The following GRIN2C variants were observed in gnomAD, a reference collection of about 807,000 sequenced individuals.
GRIN2C encodes glutamate ionotropic receptor NMDA type subunit 2C.
In GRIN2C, 64 loss-of-function variants were observed where a neutral mutation model predicts 77.7. The ratio of observed to expected loss-of-function variants is 0.82; its 90% CI spans 0.67 to 1.01. The LOEUF (loss-of-function observed/expected upper bound fraction) is 1.01, where lower values mean the gene tolerates loss of function less well. GRIN2C is among the 50% of genes least tolerant of loss of function. GRIN2C has a pLI of 0.00. For synonymous variants in GRIN2C, 792 were observed against 643.4 expected, an observed-to-expected ratio of 1.23 and a Z score of -3.49; for missense variants, 1,549 against 1,486.0, an observed-to-expected ratio of 1.04 and a Z score of -0.70.
rs2037470505 is a variant in GRIN2C, at chr17:74,846,814, A to G, written c.2108T>C (p.Met703Thr). The change falls in exon 10 of 13, where the codon ATG (methionine) becomes ACG (threonine). Residue 703 changes from methionine (M) to threonine (T), a missense_variant. Coordinates refer to ENST00000293190, the MANE Select transcript of GRIN2C (RefSeq NM_000835.6). The surrounding 1 kb of genome is among the most constrained non-coding windows in gnomAD (Gnocchi z 4.4). Reference sequence around the variant, plus strand: ...CACCGAGCGCTGGTTGAACTTGACCATGTGGGTGTGCATGTCACGGTAGTT... The same window carrying G: ...CACCGAGCGCTGGTTGAACTTGACCGTGTGGGTGTGCATGTCACGGTAGTT... ...RSNYRDMHTH[M>T]VKFNQRSVED... 1 of 1,614,098 alleles carries G rather than the reference A, an allele frequency of 6.2e-7. No homozygotes were observed. The highest frequency in any genetic ancestry group is 1.1e-5 in the South Asian group (1 of 91,080).
chr17:74,851,640 A>G lies in GRIN2C; in HGVS notation c.1050T>C (p.Gly350=). 1 of 1,574,450 alleles carries G rather than the reference A, an allele frequency of 6.4e-7. No individual in the cohort carries two copies. The highest frequency in any genetic ancestry group is 8.6e-7 in the Non-Finnish European group (1 of 1,159,118). Residue 350 remains glycine, a synonymous_variant, in exon 4 of 13, where the codon GGT becomes GGC. Transcript: ENST00000293190. ...WEGRDFSFSP[G]GYLVQPTMVV... ...CCATGGTGGGCTGGACCAGGTACCC[A>G]CCAGGGCTGAAGGAGAAGTCTCGGC...
rs780165386 is a variant in GRIN2C, at chr17:74,854,701, G to T, written c.392C>A (p.Thr131Asn). Residue 131 changes from threonine to asparagine, a missense_variant, in exon 2 of 13, where the codon ACC (threonine) becomes AAC (asparagine). Around this residue, in one of 3 missense-constraint regions of GRIN2C, gnomAD observed 382 missense variants for 360.0 expected, o/e 1.06. Coordinates refer to ENST00000293190, the MANE Select transcript of GRIN2C (RefSeq NM_000835.6). ...ATGAGTTTGGACATGCACCTTGGGG[G>T]TGAGGACCACAGCAGAGCCTCCGCT... is the stretch of plus-strand genomic sequence containing the variant. ...SISGGSAVVLTPKEPGSAFLQ... is the reference protein window; with the variant it reads ...SISGGSAVVLNPKEPGSAFLQ... 1.2e-6 allele frequency: 2 copies of T among 1,605,980 alleles called. No individual in the cohort carries two copies. The highest frequency in any genetic ancestry group is 2.7e-5 in the African/African-American group (2 of 74,938).
intron 1 of GRIN2C, among the ~76,000 whole-genome samples, chr17:74,856,787 C>CT (rs201700626): frequency 1.6e-4 from 25 of 151,520 alleles, no homozygotes; most frequent in Admixed American, 1.1e-3. Context: ...CTATCTCTCT[C>CT]TTTTTTTTTA....
chr17:74,844,005 C>G (rs926652668), intron 12 of GRIN2C: 1 of 603,784 alleles, frequency 1.7e-6, no homozygotes, highest in African/African-American at 1.9e-5. Flanking sequence ...TCCTGAGTAG[C>G]TGGGACTGCA....
At chr17:74,845,957 A>G (rs2037441451) in intron 11 of GRIN2C, 109 bp downstream of exon 11, 2 of 1,021,674 alleles carry the variant, frequency 2.0e-6, no homozygotes, top group Non-Finnish European at 3.0e-6. Context: ...CTCACCCCCC[A>G]GAGACCTCTC....
rs377590628 is a variant in GRIN2C at position 74,847,457 on chromosome 17, C to T, written c.1852G>A (p.Glu618Lys). 8.1e-6 allele frequency: 13 copies of T among 1,613,962 alleles called. No homozygotes were observed. In the African/African-American group the frequency reaches 1.3e-4, roughly 17 times the overall value. Residue 618 changes from glutamate to lysine, a missense_variant, in exon 9 of 13, where the codon GAG becomes AAG. By Grantham distance (56) the Glu-to-Lys change is moderately conservative (BLOSUM62 1). Coordinates refer to ENST00000293190, the MANE Select transcript of GRIN2C (RefSeq NM_000835.6). The surrounding 1 kb of genome is among the most constrained non-coding windows in gnomAD (Gnocchi z 5.2). ...TTGCTGGTGGTGCCCCGCGGGTTCT[C>T]GATGGGCACTGAGTTGTTGAAGACC... is the stretch of plus-strand genomic sequence containing the variant. ...ALVFNNSVPIENPRGTTSKIM... is the reference protein window; with the variant it reads ...ALVFNNSVPIKNPRGTTSKIM...
Position 74,854,906 on chromosome 17 carries a change from G to A in GRIN2C, c.187C>T (p.Gln63Ter), listed in dbSNP as rs1472368116. 1 of 1,613,364 alleles carries A rather than the reference G, an allele frequency of 6.2e-7. No individual in the cohort carries two copies. Among genetic ancestry groups the A allele is most frequent in the Admixed American group, 1.7e-5 (1 of 59,998 alleles). ...QSFLDLPLEI[Q>*]PLTVGVNTTN... The stretch of plus-strand genomic sequence containing the variant: ...GTGTTGACCCCAACTGTGAGCGGCT[G>A]GATCTCCAGGGGTAGGTCCAGGAAG... The change falls in exon 2 of 13, where the codon CAG becomes TAG. Residue 63 changes from glutamine (Q) to a stop codon, truncating the protein, a stop_gained. Transcript: ENST00000293190. LOFTEE classifies it high-confidence loss of function.
chr17:74,851,057 G>A lies in GRIN2C; in HGVS notation c.1114-290C>T, dbSNP rs115795348. On this transcript the variant is annotated intron_variant, in intron 4 of 12. Transcript: ENST00000293190. ...TAGCTGAGCACTCAAGGCCCTTCAT[G>A]CTCCAAACCCTTCTGCCCCTCTGTC... 516 of 500,634 alleles carry A rather than the reference G, an allele frequency of 1.0e-3. 4 individuals are homozygous for A. Among genetic ancestry groups the A allele is most frequent in the African/African-American group, 8.2e-3 (430 of 52,420 alleles). The allele number at this position is 500,634 out of a possible 1,614,324, so 31.0% of individuals were successfully genotyped here.
chr17:74,854,995 G>T lies in GRIN2C; in HGVS notation c.98C>A (p.Ala33Asp). The T allele has an allele frequency of 1.9e-6, 3 of 1,607,528 alleles. No homozygotes were observed. Among genetic ancestry groups the T allele is most frequent in the Non-Finnish European group, 2.5e-6 (3 of 1,179,804 alleles). Reference protein sequence around the residue: ...PGQGEQGMTVAVVFSSSGPPQ... With the variant: ...PGQGEQGMTVDVVFSSSGPPQ... Reference sequence around the variant, plus strand: ...CGGCCCTGAGCTGCTAAACACCACGGCCACCGTCATGCCCTGCTCGCCCTG... The same window carrying T: ...CGGCCCTGAGCTGCTAAACACCACGTCCACCGTCATGCCCTGCTCGCCCTG... The change falls in exon 2 of 13, where the codon GCC (alanine) becomes GAC (aspartate). Residue 33 changes from alanine to aspartate, a missense_variant. Physicochemically the swap from Ala to Asp is moderately radical, Grantham distance 126. This residue lies in a region of GRIN2C where 382 missense variants were observed against 360.0 expected (regional missense o/e 1.06). Transcript: ENST00000293190.
Position 74,846,142 on chromosome 17 carries a change from G to C in GRIN2C, c.2274C>G (p.Gly758=). 1.2e-6 allele frequency: 2 copies of C among 1,614,172 alleles called. No individual in the cohort carries two copies. Among genetic ancestry groups the C allele is most frequent in the Non-Finnish European group, 1.7e-6 (2 of 1,179,994 alleles). ...AGTCCTTCTGCATGGCGATGCCGTA[G>C]CCAGTGGTAGCAAAGACCTTGCCAG... ...IGSGKVFATT[G]YGIAMQKDSH... Residue 758 remains glycine, a synonymous_variant, in exon 11 of 13, where the codon GGC becomes GGG. Coordinates refer to ENST00000293190, the MANE Select transcript of GRIN2C (RefSeq NM_000835.6). This position sits in a 1 kb window ranked among gnomAD's most constrained non-coding sequence, Gnocchi z 4.4.
At position 74,854,898 on chromosome 17, in the gene GRIN2C, G is replaced by A. The variant is rs1203210068; in HGVS notation, c.195C>T (p.Leu65=). Reference sequence around the variant, plus strand: ...GGTTGGTGGTGTTGACCCCAACTGTGAGCGGCTGGATCTCCAGGGGTAGGT... The same window carrying A: ...GGTTGGTGGTGTTGACCCCAACTGTAAGCGGCTGGATCTCCAGGGGTAGGT... ...FLDLPLEIQP[L]TVGVNTTNPS... is the part of the protein sequence containing the mutation. Residue 65 remains leucine, a synonymous_variant, in exon 2 of 13, where the codon CTC becomes CTT. Coordinates refer to ENST00000293190, the MANE Select transcript of GRIN2C (RefSeq NM_000835.6). 1.9e-6 allele frequency: 3 copies of A among 1,612,988 alleles called. No homozygotes were observed. Among genetic ancestry groups the A allele is most frequent in the South Asian group, 1.1e-5 (1 of 91,022 alleles).
At chr17:74,845,979 G>A (rs1017621674) in intron 11 of GRIN2C, 87 bp downstream of exon 11, 6 of 1,257,012 alleles carry the variant, frequency 4.8e-6, no homozygotes, top group Non-Finnish European at 4.6e-6. Flanking sequence ...CTGCTCACAG[G>A]CCTTGGGAAC....
Position 74,844,905 on chromosome 17 carries a change from C to T in GRIN2C, c.2351-397G>A, listed in dbSNP as rs182616269. The stretch of plus-strand genomic sequence containing the variant: ...AAAAGGCCTAGGCTCCTAAGAGACA[C>T]ACATTGTGATTGCTCTTATTATTAT... On this transcript the variant is annotated intron_variant, in intron 11 of 12. Coordinates refer to ENST00000293190, the MANE Select transcript of GRIN2C (RefSeq NM_000835.6). 3.9e-5 allele frequency among the ~76,000 whole-genome samples: 6 copies of T among 152,244 alleles called. No individual in the cohort carries two copies. In the East Asian group the frequency reaches 1.2e-3, roughly 29 times the overall value.
Position 74,850,413 on chromosome 17 carries a change from G to A in GRIN2C, c.1326-42C>T, listed in dbSNP as rs1386599669. The A allele has an allele frequency of 6.3e-7, 1 of 1,599,396 alleles. No homozygotes were observed. The highest frequency in any genetic ancestry group is 8.5e-7 in the Non-Finnish European group (1 of 1,176,238). ...ATGAGACCACCGGGAGTCAGAGTAT[G>A]TCGTGGCCCAGCCCCGCCCCAGCCA... On this transcript the variant is annotated intron_variant, in intron 5 of 12. Transcript: ENST00000293190. This position sits in a 1 kb window ranked among gnomAD's most constrained non-coding sequence, Gnocchi z 5.3.
chr17:74,847,072 C>T lies in GRIN2C; in HGVS notation c.2002-152G>A, dbSNP rs2037480445. On this transcript the variant is annotated intron_variant, in intron 9 of 12. Coordinates refer to ENST00000293190, the MANE Select transcript of GRIN2C (RefSeq NM_000835.6). This position sits in a 1 kb window ranked among gnomAD's most constrained non-coding sequence, Gnocchi z 5.2. The stretch of plus-strand genomic sequence containing the variant: ...CTGTCCAGGCCACTCCTGTGTTTTC[C>T]AAATGGAGACTCTGAGGCCCAAGAC... 2 of 835,468 alleles carry T rather than the reference C, an allele frequency of 2.4e-6. No individual in the cohort carries two copies. Among genetic ancestry groups the T allele is most frequent in the African/African-American group, 1.7e-5 (1 of 58,272 alleles). 51.8% of individuals were successfully genotyped at this position (835,468 alleles called of 1,614,324 possible). A position where few individuals can be genotyped will look rare whatever the true frequency, so the allele number is the denominator to read the frequency against.
rs1158485960 is a variant in GRIN2C, at chr17:74,843,459, A to G, written c.2678T>C (p.Val893Ala). 2 of 1,534,950 alleles carry G rather than the reference A, an allele frequency of 1.3e-6. No individual in the cohort carries two copies. Among genetic ancestry groups the G allele is most frequent in the Non-Finnish European group, 1.7e-6 (2 of 1,146,324 alleles). ...DLTASSAQAS[V>A]LKMLQAARDM... is the part of the protein sequence containing the mutation. ...GCGGGCTGCCTGCAGCATCTTGAGC[A>G]CGCTGGCCTGGGCCGAGCTGGCCGT... Residue 893 changes from valine (V) to alanine (A), a missense_variant, in exon 13 of 13, where the codon GTG becomes GCG. Physicochemically the swap from Val to Ala is moderately conservative, Grantham distance 64 (BLOSUM62 0). Coordinates refer to ENST00000293190, the MANE Select transcript of GRIN2C (RefSeq NM_000835.6).
At chr17:74,856,477 C>CT (rs2037822726) in intron 1 of GRIN2C, among the ~76,000 whole-genome samples, 1 of 88,274 alleles carries the variant, frequency 1.1e-5, no homozygotes, top group African/African-American at 3.9e-5. Flanking sequence ...ATTTCTCTCT[C>CT]TCTCTTTTTT....
In GRIN2C at chr17:74,847,211, C is replaced by T. The variant is rs934871567; in HGVS notation, c.2001+97G>A. 2.0e-6 allele frequency: 2 copies of T among 992,114 alleles called. No homozygotes were observed. Among genetic ancestry groups the T allele is most frequent in the African/African-American group, 3.2e-5 (2 of 62,958 alleles). The allele number at this position is 992,114 out of a possible 1,614,324, so 61.5% of individuals were successfully genotyped here. A position where few individuals can be genotyped will look rare whatever the true frequency, so the allele number is the denominator to read the frequency against. On this transcript the variant is annotated intron_variant, in intron 9 of 12. Transcript: ENST00000293190. This position sits in a 1 kb window ranked among gnomAD's most constrained non-coding sequence, Gnocchi z 5.2. The stretch of plus-strand genomic sequence containing the variant: ...CTTCTTCCTGCCCCAGCCTCCAGGT[C>T]AAATTCCCCAGACTCGACTGTCCAG...
Position 74,847,224 on chromosome 17 carries a change from C to A in GRIN2C, c.2001+84G>T. On this transcript the variant is annotated intron_variant, in intron 9 of 12. Coordinates refer to ENST00000293190, the MANE Select transcript of GRIN2C (RefSeq NM_000835.6). This position sits in a 1 kb window ranked among gnomAD's most constrained non-coding sequence, Gnocchi z 5.2. ...CAGCCTCCAGGTCAAATTCCCCAGA[C>A]TCGACTGTCCAGGGCCTGCCCACTC... 9.3e-7 allele frequency: 1 copy of A among 1,075,260 alleles called. No individual in the cohort carries two copies. Among genetic ancestry groups the A allele is most frequent in the Non-Finnish European group, 1.4e-6 (1 of 716,382 alleles). The allele number at this position is 1,075,260 out of a possible 1,614,324, so 66.6% of individuals were successfully genotyped here. A position where few individuals can be genotyped will look rare whatever the true frequency, so the allele number is the denominator to read the frequency against.
Sources: gnomAD v4.1 joint callset for allele counts (sites outside exome capture counted in the v4.1 genomes callset) on GRCh38, gnomAD v4.1.1 for gene constraint, gnomAD v4.1.1 regional missense constraint, Gnocchi (gnomAD v3.1) non-coding constraint, MANE v1.5 for transcripts, NCBI Gene and HGNC (gene_info 2026-07-23, HGNC 2026-07-21) for gene names.